RC3H2: variants seen among roughly 807,000 people sequenced by gnomAD.
RC3H2 encodes the protein roquin-2.
Under a neutral mutation model 133.3 loss-of-function variants are expected in RC3H2, and 31 were observed. The ratio of observed to expected loss-of-function variants is 0.23; its 90% CI spans 0.17 to 0.31. RC3H2 has a LOEUF of 0.31. Among genes scored for constraint, RC3H2 ranks in the 10% least tolerant of loss-of-function variants. RC3H2 has a pLI of 1.00. For synonymous variants in RC3H2, 517 were observed against 502.2 expected, an observed-to-expected ratio of 1.03 and a Z score of -0.40; for missense variants, 1,175 against 1,437.2, an observed-to-expected ratio of 0.82 and a Z score of 2.95.
At position 122,851,234 on chromosome 9, in the gene RC3H2, G is replaced by T; in HGVS notation, c.3232-5C>A. 1 of 1,613,656 alleles carries T rather than the reference G, an allele frequency of 6.2e-7. No homozygotes were observed. Among genetic ancestry groups the T allele is most frequent in the South Asian group, 1.1e-5 (1 of 91,058 alleles). Reference sequence around the variant, plus strand: ...AAGCTGTATGTCCAAGATCTCCTAAGAAAATAAAATGTTAATCCTTCAGTA... The same window carrying T: ...AAGCTGTATGTCCAAGATCTCCTAATAAAATAAAATGTTAATCCTTCAGTA... On this transcript the variant is annotated splice_polypyrimidine_tract_variant and splice_region_variant and intron_variant, in intron 19 of 20. Transcript: ENST00000357244.
chr9:122,891,987 C>A (rs1423281634), intron 3 of RC3H2, among the ~76,000 whole-genome samples: 1 of 152,172 alleles, frequency 6.6e-6, no homozygotes, highest in African/African-American at 2.4e-5. Context: ...TAATGAATGA[C>A]TGAATGAATA....
intron 18 of RC3H2, among the ~76,000 whole-genome samples, chr9:122,851,733 G>C (rs1352589205): frequency 2.6e-5 from 4 of 152,228 alleles, no homozygotes; most frequent in African/African-American, 9.6e-5. Context: ...TCCTAACCAC[G>C]AGTGATCTGC....
intron 1 of RC3H2, among the ~76,000 whole-genome samples, chr9:122,898,708 C>T (rs1832525706): frequency 6.9e-6 from 1 of 145,192 alleles, no homozygotes; most frequent in African/African-American, 2.6e-5. Flanking sequence ...GAGATCACGT[C>T]ATCGCACTCC....
chr9:122,859,330 A>C (rs1189031891), intron 11 of RC3H2, among the ~76,000 whole-genome samples: 1 of 139,638 alleles, frequency 7.2e-6, no homozygotes, highest in Non-Finnish European at 1.5e-5. Context: ...CCTGGGCTCA[A>C]GTGATTCTCC....
chr9:122,902,292 GAT>G (rs2131514598), intron 1 of RC3H2, among the ~76,000 whole-genome samples: 1 of 152,278 alleles, frequency 6.6e-6, no homozygotes, highest in African/African-American at 2.4e-5. Flanking sequence ...CTTTCTTTGA[GAT>G]AGAACTTACT....
intron 1 of RC3H2, 105 bp downstream of exon 1, chr9:122,905,005 C>T: frequency 2.5e-6 from 2 of 813,098 alleles, no homozygotes; most frequent in Non-Finnish European, 3.0e-6. Context: ...GCACCAGGGG[C>T]GACAGCGCAC....
intron 9 of RC3H2, among the ~76,000 whole-genome samples, chr9:122,866,820 C>T (rs1830699756): frequency 1.3e-5 from 2 of 152,144 alleles, no homozygotes; most frequent in African/African-American, 4.8e-5. Context: ...CTATGCCCGG[C>T]CGCCACCCCG....
chr9:122,904,730 A>C (rs1382014287), intron 1 of RC3H2, among the ~76,000 whole-genome samples: 1 of 152,212 alleles, frequency 6.6e-6, no homozygotes, highest in Non-Finnish European at 1.5e-5. Context: ...CAGGGCAGAA[A>C]GCTGAAAAGC....
At position 122,892,983 on chromosome 9, in the gene RC3H2, T is replaced by C. The variant is rs756342744; in HGVS notation, c.275A>G (p.Asn92Ser). ...QSIKLSNLGE[N>S]KHYEVAKKCV... ...TTTCTTTGCAACCTCATAGTGTTTA[T>C]TCTCACCTAGATTACTTAACTTAAT... The change falls in exon 3 of 21, where the codon AAT becomes AGT. Residue 92 changes from asparagine (N) to serine (S), a missense_variant. Coordinates refer to ENST00000357244, the MANE Select transcript of RC3H2 (RefSeq NM_001100588.3). 5 of 1,612,566 alleles carry C rather than the reference T, an allele frequency of 3.1e-6. No homozygotes were observed. The highest frequency in any genetic ancestry group is 2.7e-5 in the African/African-American group (2 of 74,874).
chr9:122,876,200 G>A (rs1831327450), intron 9 of RC3H2, among the ~76,000 whole-genome samples: 1 of 152,184 alleles, frequency 6.6e-6, no homozygotes, highest in Admixed American at 6.5e-5. Context: ...TTATAACACA[G>A]CATATATAAC....
At chr9:122,857,826 C>CA (rs5900549) in intron 13 of RC3H2, 97 bp downstream of exon 13, 1,091,292 of 1,097,244 alleles carry the variant, frequency 0.99, 542,923 homozygotes, top group East Asian at 1. Context: ...CAAACCACTG[C>CA]AAATATCCAA....
rs761018096 is a variant in RC3H2 at position 122,851,470 on chromosome 9, C to T, written c.3118-34G>A. The T allele has an allele frequency of 3.1e-6, 5 of 1,604,656 alleles. No individual in the cohort carries two copies. In the South Asian group the frequency reaches 5.5e-5, roughly 18 times the overall value. On this transcript the variant is annotated intron_variant, in intron 18 of 20. Transcript: ENST00000357244. Reference sequence around the variant, plus strand: ...AATACTGATTTTGCTCTCCCTCTCCCTCTCCCTCTCCCCATGGTCTCCCTC... The same window carrying T: ...AATACTGATTTTGCTCTCCCTCTCCTTCTCCCTCTCCCCATGGTCTCCCTC...
rs757081739 is a variant in RC3H2 at position 122,851,110 on chromosome 9, T to C, written c.3351A>G (p.Lys1117=). 3.0e-5 allele frequency: 48 copies of C among 1,614,084 alleles called. No individual in the cohort carries two copies. The highest frequency in any genetic ancestry group is 3.7e-5 in the Non-Finnish European group (44 of 1,180,038). ...QHQKEPPKQK[K]QSLGEDHVIL... ...TCACATGGTCTTCACCTAAACTCTG[T>C]TTCTTCTGCTTTGGTGGCTCCTTTT... The change falls in exon 20 of 21, where the codon AAA becomes AAG. Residue 1117 remains lysine (K), a synonymous_variant. Transcript: ENST00000357244.
chr9:122,898,767 T>G (rs1197604733), intron 1 of RC3H2, among the ~76,000 whole-genome samples: 3 of 126,252 alleles, frequency 2.4e-5, no homozygotes, highest in Non-Finnish European at 5.0e-5. Flanking sequence ...AAAAAAAAAG[T>G]TCCATAAGTT....
chr9:122,875,287 G>T, intron 9 of RC3H2: 6 of 1,550,712 alleles, frequency 3.9e-6, no homozygotes, highest in Non-Finnish European at 5.2e-6. Context: ...GCTGCTGCTT[G>T]TAGAGCTCAT....
In RC3H2 at chr9:122,846,077, T is replaced by C. The variant is rs1185778447; in HGVS notation, c.*3550A>G. 6.6e-6 allele frequency: 1 copy of C among 152,136 alleles called. No individual in the cohort carries two copies. The highest frequency in any genetic ancestry group is 2.4e-5 in the African/African-American group (1 of 41,424). 9.4% of individuals were successfully genotyped at this position (152,136 alleles called of 1,614,324 possible). A position where few individuals can be genotyped will look rare whatever the true frequency, so the allele number is the denominator to read the frequency against. On this transcript the variant is annotated 3_prime_UTR_variant, in exon 21 of 21. Coordinates refer to ENST00000357244, the MANE Select transcript of RC3H2 (RefSeq NM_001100588.3). ...TAAAATCCAAAAGCAAACTAGATGG[T>C]TTTTAAAATAATTTTTCAAATGTTT...
In RC3H2 at chr9:122,845,837, T is replaced by C. The variant is rs1284372461; in HGVS notation, c.*3790A>G. ...GATCCCATCAAGCCTCTTCATTCAC[T>C]AAAACAAAAGAAAAGTTCTTCCAGG... On this transcript the variant is annotated 3_prime_UTR_variant, in exon 21 of 21. Coordinates refer to ENST00000357244, the MANE Select transcript of RC3H2 (RefSeq NM_001100588.3). 1 of 152,160 alleles carries C rather than the reference T, an allele frequency of 6.6e-6. No homozygotes were observed. The highest frequency in any genetic ancestry group is 1.5e-5 in the Non-Finnish European group (1 of 68,012). 9.4% of individuals were successfully genotyped at this position (152,160 alleles called of 1,614,324 possible). A position where few individuals can be genotyped will look rare whatever the true frequency, so the allele number is the denominator to read the frequency against.
At chr9:122,866,812 A>C (rs372046057) in intron 9 of RC3H2, among the ~76,000 whole-genome samples, 90 of 152,168 alleles carry the variant, frequency 5.9e-4, no homozygotes, top group African/African-American at 1.7e-3. Flanking sequence ...ATTGCAGCCT[A>C]TGCCCGGCCG....
chr9:122,875,300 T>C (rs1831285437), intron 9 of RC3H2: 5 of 1,550,602 alleles, frequency 3.2e-6, no homozygotes, highest in Non-Finnish European at 4.4e-6. Context: ...GAGCTCATTA[T>C]GTACAGTGCC....
Sources: allele counts gnomAD v4.1 joint callset (sites outside exome capture counted in the v4.1 genomes callset), GRCh38; gene constraint gnomAD v4.1.1; transcripts MANE v1.5; gene names NCBI Gene and HGNC (gene_info 2026-07-23, HGNC 2026-07-21).